PDE12: variants seen among roughly 807,000 people sequenced by gnomAD.
The protein encoded by PDE12 is phosphodiesterase 12.
In PDE12, 26 loss-of-function variants were observed where a neutral mutation model predicts 45.4. The observed-to-expected ratio is 0.57, with a 90% CI of 0.42 to 0.79. The LOEUF (loss-of-function observed/expected upper bound fraction) is 0.79, where lower values mean the gene tolerates loss of function less well. Among genes scored for constraint, PDE12 ranks in the 30% least tolerant of loss-of-function variants. The pLI, the probability that PDE12 is intolerant of heterozygous loss-of-function variation, is 0.00. For missense variants in PDE12, 668 were observed against 790.0 expected (o/e 0.85, Z 1.85); for synonymous variants, 283 against 323.9 (o/e 0.87, Z 1.36).
At chr3:57,600,589 G>A in the PDE12 span, among the ~76,000 whole-genome samples, 1 of 151,918 alleles carries the variant, frequency 6.6e-6, no homozygotes, top group Non-Finnish European at 1.5e-5. Flanking sequence ...GGTAGAGTTG[G>A]CGTTTTGTAG....
chr3:57,607,808 A>G, the PDE12 span, among the ~76,000 whole-genome samples: 2 of 152,168 alleles, frequency 1.3e-5, no homozygotes, highest in South Asian at 4.2e-4. Flanking sequence ...GTTGGAAAAC[A>G]CTCTAAAGGA....
chr3:57,560,103 G>A lies in PDE12; in HGVS notation c.*99G>A. 4.1e-6 allele frequency: 6 copies of A among 1,478,438 alleles called. No individual in the cohort carries two copies. The East Asian group carries it at 1.4e-4, about 35-fold the overall frequency. 91.6% of individuals were successfully genotyped at this position (1,478,438 alleles called of 1,614,324 possible). On this transcript the variant is annotated 3_prime_UTR_variant, in exon 3 of 3. Coordinates refer to ENST00000311180, the MANE Select transcript of PDE12 (RefSeq NM_177966.7). Reference sequence around the variant, plus strand: ...TTATATGTAAACTTCAAGGAGGAATGGTAAAATGTTCAGCCCTCCTAGTTA... The same window carrying A: ...TTATATGTAAACTTCAAGGAGGAATAGTAAAATGTTCAGCCCTCCTAGTTA...
the PDE12 span, among the ~76,000 whole-genome samples, chr3:57,608,367 G>A: frequency 3.9e-3 from 588 of 152,180 alleles, 3 homozygotes; most frequent in African/African-American, 0.014. Context: ...ATAATGACAG[G>A]ATCAAATTCA....
chr3:57,568,599 T>TA (rs1276023451), downstream of PDE12, among the ~76,000 whole-genome samples: 4 of 150,942 alleles, frequency 2.7e-5, no homozygotes, highest in East Asian at 1.9e-4. Context: ...TTTTTTTTTT[T>TA]AATAGAGATG....
At position 57,557,083 on chromosome 3, in the gene PDE12, A is replaced by G. The variant is rs371319148; in HGVS notation, c.704A>G (p.Tyr235Cys). ...WTETDVEERV[Y>C]TPSNADIGLR... ...GAGACTGATGTGGAGGAGCGTGTCTACACCCCGTCCAATGCCGACATCGGG... is the reference window on the plus strand; with the variant it reads ...GAGACTGATGTGGAGGAGCGTGTCTGCACCCCGTCCAATGCCGACATCGGG... The change falls in exon 1 of 3, where the codon TAC becomes TGC. Residue 235 changes from tyrosine to cysteine, a missense_variant. By Grantham distance (194) the Tyr-to-Cys change is radical. Transcript: ENST00000311180. The G allele has an allele frequency of 5.3e-5, 85 of 1,613,694 alleles. No individual in the cohort carries two copies. The highest frequency in any genetic ancestry group is 6.6e-5 in the Non-Finnish European group (78 of 1,179,996).
chr3:57,591,125 G>C, the PDE12 span, among the ~76,000 whole-genome samples: 1 of 152,102 alleles, frequency 6.6e-6, no homozygotes, highest in Non-Finnish European at 1.5e-5. Context: ...TTGCTAGTGG[G>C]GATGTAAACG....
the PDE12 span, chr3:57,634,721 G>A: frequency 6.4e-7 from 1 of 1,570,368 alleles, no homozygotes; most frequent in Non-Finnish European, 8.6e-7. Flanking sequence ...GGAATCCAGA[G>A]TCTTTAGATT....
At chr3:57,635,724 TAA>T in the PDE12 span, among the ~76,000 whole-genome samples, 1 of 152,236 alleles carries the variant, frequency 6.6e-6, no homozygotes. Context: ...TAAAAAATTT[TAA>T]GAGTATGTAT....
the PDE12 span, among the ~76,000 whole-genome samples, chr3:57,614,523 G>GTTTTTTTTGTTTTGTTTTTTTTTT: frequency 7.6e-6 from 1 of 132,028 alleles, no homozygotes; most frequent in Non-Finnish European, 1.6e-5. Flanking sequence ...CCTGTAATCC[G>GTTTTTTTTGTTTTGTTTTTTTTTT]TTTTTTTTTT....
Position 57,562,185 on chromosome 3 carries a change from C to G in PDE12, c.*2181C>G. ...GAGAAACATTTTGAAAGAAAAAATTCGAACATGCCCATGAAAAAAGCATAC... is the reference window on the plus strand; with the variant it reads ...GAGAAACATTTTGAAAGAAAAAATTGGAACATGCCCATGAAAAAAGCATAC... On this transcript the variant is annotated 3_prime_UTR_variant, in exon 3 of 3. Coordinates refer to ENST00000311180, the MANE Select transcript of PDE12 (RefSeq NM_177966.7). 3.6e-6 allele frequency: 3 copies of G among 843,040 alleles called. No individual in the cohort carries two copies. Among genetic ancestry groups the G allele is most frequent in the Non-Finnish European group, 4.3e-6 (3 of 700,404 alleles). 52.2% of individuals were successfully genotyped at this position (843,040 alleles called of 1,614,324 possible).
At chr3:57,634,458 A>G in the PDE12 span, 13 of 557,596 alleles carry the variant, frequency 2.3e-5, no homozygotes, top group Non-Finnish European at 3.3e-5. Flanking sequence ...AAAAGGAGAG[A>G]TCCTATTTCA....
chr3:57,587,212 T>A, the PDE12 span, among the ~76,000 whole-genome samples: 1 of 151,140 alleles, frequency 6.6e-6, no homozygotes, highest in African/African-American at 2.4e-5. Context: ...CCAGATACTC[T>A]GGAGGCTGAG....
the PDE12 span, among the ~76,000 whole-genome samples, chr3:57,643,055 T>C: frequency 6.7e-6 from 1 of 150,098 alleles, no homozygotes; most frequent in Non-Finnish European, 1.5e-5. Flanking sequence ...TTGGAAGTTA[T>C]CTTATGAGGA....
At chr3:57,584,720 A>T in the PDE12 span, among the ~76,000 whole-genome samples, 4 of 152,302 alleles carry the variant, frequency 2.6e-5, no homozygotes, top group South Asian at 8.3e-4. Context: ...CTTAGGCTCT[A>T]ATCTCTAGCT....
At chr3:57,573,358 CA>C in the PDE12 span, among the ~76,000 whole-genome samples, 1 of 151,766 alleles carries the variant, frequency 6.6e-6, no homozygotes, top group Non-Finnish European at 1.5e-5. Context: ...GTGAAAGTAT[CA>C]AAAAAAACCT....
chr3:57,572,566 A>G, the PDE12 span, among the ~76,000 whole-genome samples: 2 of 152,068 alleles, frequency 1.3e-5, no homozygotes, highest in East Asian at 1.9e-4. Flanking sequence ...ACTTTTTTAG[A>G]TTAAATTATT....
At chr3:57,592,306 T>C in the PDE12 span, among the ~76,000 whole-genome samples, 1 of 152,032 alleles carries the variant, frequency 6.6e-6, no homozygotes, top group Non-Finnish European at 1.5e-5. Flanking sequence ...TTGACCAATA[T>C]GGTGAAACCC....
Position 57,557,041 on chromosome 3 carries a change from C to T in PDE12, c.662C>T (p.Pro221Leu). The T allele has an allele frequency of 6.2e-7, 1 of 1,613,864 alleles. No homozygotes were observed. Among genetic ancestry groups the T allele is most frequent in the Non-Finnish European group, 8.5e-7 (1 of 1,179,978 alleles). ...GVPSSLSPSS[P>L]SSSWTETDVE... ...CCCTCGTCATTGTCTCCCTCCTCAC[C>T]TTCTTCTTCTTGGACTGAGACTGAT... Residue 221 changes from proline to leucine, a missense_variant, in exon 1 of 3, where the codon CCT (proline) becomes CTT (leucine). Pro to Leu is a moderately conservative substitution (Grantham distance 98). This residue lies in a region of PDE12 where 580 missense variants were observed against 662.9 expected (regional missense o/e 0.87). Transcript: ENST00000311180.
At chr3:57,587,177 G>T in the PDE12 span, among the ~76,000 whole-genome samples, 6 of 152,030 alleles carry the variant, frequency 3.9e-5, no homozygotes, top group Non-Finnish European at 7.4e-5. Flanking sequence ...AAACTAGCTG[G>T]ATGTGGTGGC....
Sources: allele counts gnomAD v4.1 joint callset (sites outside exome capture counted in the v4.1 genomes callset), GRCh38; gene constraint gnomAD v4.1.1; regional missense constraint gnomAD v4.1.1; transcripts MANE v1.5; gene names NCBI Gene and HGNC (gene_info 2026-07-23, HGNC 2026-07-21).